LRRC37A2: variants seen among roughly 807,000 people sequenced by gnomAD.
LRRC37A2 encodes the protein leucine-rich repeat-containing protein 37A2.
In LRRC37A2, 9 loss-of-function variants were observed where a neutral mutation model predicts 68.8. That is an observed-to-expected ratio of 0.13 (90% CI 0.08 to 0.23). The LOEUF is 0.23. Among genes scored for constraint, LRRC37A2 ranks in the 10% least tolerant of loss-of-function variants. The pLI, the probability that LRRC37A2 is intolerant of heterozygous loss-of-function variation, is 1.00. For synonymous variants in LRRC37A2, 63 were observed against 367.6 expected, an observed-to-expected ratio of 0.17 and a Z score of 9.48; for missense variants, 168 against 950.4, an observed-to-expected ratio of 0.18 and a Z score of 10.82.
At chr17:46,781,412 C>CAA in the LRRC37A2 span, among the ~76,000 whole-genome samples, 1 of 111,932 alleles carries the variant, frequency 8.9e-6, no homozygotes, top group Non-Finnish European at 1.9e-5. Flanking sequence ...GACTCTGTCT[C>CAA]AAAAAAAAAA....
chr17:46,849,853 TTTTTTTTG>T, the LRRC37A2 span, among the ~76,000 whole-genome samples: 1 of 151,670 alleles, frequency 6.6e-6, no homozygotes, highest in African/African-American at 2.4e-5. Flanking sequence ...TAATATCTTT[TTTTTTTTG>T]TTTTGAGATG....
the LRRC37A2 span, among the ~76,000 whole-genome samples, chr17:46,735,466 TA>T: frequency 5.6e-3 from 785 of 141,220 alleles, no homozygotes; most frequent in Admixed American, 8.1e-3. Flanking sequence ...ACTTGAGGTT[TA>T]AAAAAAAAAA....
chr17:46,737,884 G>T, the LRRC37A2 span, among the ~76,000 whole-genome samples: 3 of 149,922 alleles, frequency 2.0e-5, no homozygotes, highest in Admixed American at 6.7e-5. Context: ...AGAAGGTGAA[G>T]GATTTATGTA....
the LRRC37A2 span, among the ~76,000 whole-genome samples, chr17:46,946,150 T>C: frequency 6.6e-6 from 1 of 151,934 alleles, no homozygotes; most frequent in African/African-American, 2.4e-5. Context: ...AAATTAAAAA[T>C]GTAGGCTGGG....
the LRRC37A2 span, among the ~76,000 whole-genome samples, chr17:46,991,573 T>C: frequency 6.6e-6 from 1 of 151,914 alleles, no homozygotes; most frequent in African/African-American, 2.4e-5. Context: ...GATTGCACCA[T>C]TGCACTCCAG....
chr17:46,525,639 ATC>A (rs1470103377), intron 6 of LRRC37A2, among the ~76,000 whole-genome samples: 2 of 122,734 alleles, frequency 1.6e-5, no homozygotes, highest in African/African-American at 5.7e-5. Context: ...CATCATCATC[ATC>A]ATCATCTAGC....
At chr17:46,580,210 TC>T in the LRRC37A2 span, among the ~76,000 whole-genome samples, 1 of 147,854 alleles carries the variant, frequency 6.8e-6, no homozygotes, top group Non-Finnish European at 1.5e-5. Context: ...CCCTCCCACC[TC>T]TACACAGATT....
chr17:46,947,277 C>T, the LRRC37A2 span, among the ~76,000 whole-genome samples: 2 of 152,148 alleles, frequency 1.3e-5, no homozygotes, highest in African/African-American at 4.8e-5. Context: ...TGTATGTGTG[C>T]AAGAGAGAGG....
the LRRC37A2 span, among the ~76,000 whole-genome samples, chr17:46,575,747 T>C: frequency 3.0e-5 from 1 of 33,392 alleles, no homozygotes; most frequent in African/African-American, 1.6e-4. Flanking sequence ...TGGGAAACCA[T>C]GGCGGGAGGA....
At chr17:46,816,578 T>C in the LRRC37A2 span, among the ~76,000 whole-genome samples, 14 of 152,048 alleles carry the variant, frequency 9.2e-5, no homozygotes, top group Non-Finnish European at 1.9e-4. Context: ...AAACAAGCCA[T>C]GTGTCTAGCA....
At chr17:46,463,501 T>TA in the LRRC37A2 span, among the ~76,000 whole-genome samples, 1 of 104,036 alleles carries the variant, frequency 9.6e-6, no homozygotes, top group Non-Finnish European at 2.1e-5. Flanking sequence ...AGCATACAGA[T>TA]ATTAAAATGA....
chr17:47,023,797 G>A, the LRRC37A2 span, among the ~76,000 whole-genome samples: 1 of 152,096 alleles, frequency 6.6e-6, no homozygotes, highest in Non-Finnish European at 1.5e-5. Flanking sequence ...GTTTCACCAT[G>A]TTGGCCAGGC....
chr17:46,819,053 A>G, the LRRC37A2 span, among the ~76,000 whole-genome samples: 1 of 152,140 alleles, frequency 6.6e-6, no homozygotes, highest in Non-Finnish European at 1.5e-5. This position sits in a 1 kb window ranked among gnomAD's most constrained non-coding sequence, Gnocchi z 5.3. Flanking sequence ...TGGCGTGGGC[A>G]TGAACGGGTG....
At chr17:46,769,072 C>G in the LRRC37A2 span, among the ~76,000 whole-genome samples, 2 of 152,142 alleles carry the variant, frequency 1.3e-5, no homozygotes, top group African/African-American at 4.8e-5. Flanking sequence ...ATCCCAGCAC[C>G]TTGGGAGGCT....
At chr17:46,923,492 G>A in the LRRC37A2 span, 8 of 1,383,506 alleles carry the variant, frequency 5.8e-6, no homozygotes, top group African/African-American at 1.0e-4. Flanking sequence ...TGGGTGACGG[G>A]AAACTGGCAC....
the LRRC37A2 span, among the ~76,000 whole-genome samples, chr17:46,838,972 G>A: frequency 6.6e-6 from 1 of 152,016 alleles, no homozygotes; most frequent in African/African-American, 2.4e-5. Context: ...CTTCCTCCCG[G>A]GTTCAAGCCA....
the LRRC37A2 span, among the ~76,000 whole-genome samples, chr17:46,905,104 C>T: frequency 6.6e-6 from 1 of 151,608 alleles, no homozygotes; most frequent in African/African-American, 2.4e-5. Context: ...TGGGGTTTCG[C>T]TCTGTTGCCC....
At chr17:46,909,784 C>T in the LRRC37A2 span, 4 of 152,306 alleles carry the variant, frequency 2.6e-5, 1 homozygote, top group Middle Eastern at 6.8e-3. Context: ...TTTCCTGATC[C>T]TCTCCCTCCT....
At chr17:46,870,208 A>G in the LRRC37A2 span, among the ~76,000 whole-genome samples, 1 of 152,146 alleles carries the variant, frequency 6.6e-6, no homozygotes, top group African/African-American at 2.4e-5. Flanking sequence ...GAAACACAGG[A>G]ATTGTGTGAG....
Sources: allele counts gnomAD v4.1 joint callset (sites outside exome capture counted in the v4.1 genomes callset), GRCh38; gene constraint gnomAD v4.1.1; non-coding constraint Gnocchi (gnomAD v3.1); transcripts MANE v1.5; gene names NCBI Gene and HGNC (gene_info 2026-07-23, HGNC 2026-07-21).